Variants in ADK observed in about 807,000 individuals in gnomAD.
The protein encoded by ADK is adenosine kinase.
In ADK, 24 loss-of-function variants were observed where a neutral mutation model predicts 44.7. The ratio of observed to expected loss-of-function variants is 0.54; its 90% CI spans 0.39 to 0.76. ADK has a LOEUF of 0.76. Ranked by LOEUF, ADK falls within the 30% of genes least tolerant of loss-of-function variation. The probability of loss-of-function intolerance (pLI) is 0.00; values close to 1 mark genes in which losing one functional copy is unlikely to be tolerated. For synonymous variants in ADK, 128 were observed against 142.6 expected (o/e 0.90, Z 0.73); for missense variants, 321 against 425.1 (o/e 0.76, Z 2.15).
Position 74,706,004 on chromosome 10 carries a change from T to C in ADK, c.965-2317T>C, listed in dbSNP as rs74219434. 2.3e-4 allele frequency among the ~76,000 whole-genome samples: 35 copies of C among 152,360 alleles called. No homozygotes were observed. The East Asian group carries it at 5.2e-3, about 23-fold the overall frequency. ...TGTTATTGAGGTACCAAGTATTTAA[T>C]TGTGACAAAGTTCAGATTATTTTTT... On this transcript the variant is annotated intron_variant, in intron 10 of 10. Transcript: ENST00000539909.
At position 74,652,297 on chromosome 10, in the gene ADK, G is replaced by A. The variant is rs552448308; in HGVS notation, c.878-17886G>A. 2.0e-5 allele frequency among the ~76,000 whole-genome samples: 3 copies of A among 151,406 alleles called. No individual in the cohort carries two copies. The South Asian group carries it at 6.3e-4, about 32-fold the overall frequency. On this transcript the variant is annotated intron_variant, in intron 9 of 10. Coordinates refer to ENST00000539909, the MANE Select transcript of ADK (RefSeq NM_006721.4). ...GACCTCAGGTGATCCACCCACCTTG[G>A]CCTCCCAAAGTGCTGAGATAACAGG... is the stretch of plus-strand genomic sequence containing the variant.
chr10:74,224,737 T>C lies in ADK; in HGVS notation c.194+146T>C. On this transcript the variant is annotated intron_variant, in intron 3 of 10. Coordinates refer to ENST00000539909, the MANE Select transcript of ADK (RefSeq NM_006721.4). ...CTTAATCCTAACAATTATGATAACC[T>C]ACACTATATAATTTACACTACATAA... 10 of 699,938 alleles carry C rather than the reference T, an allele frequency of 1.4e-5. No homozygotes were observed. In the South Asian group the frequency reaches 1.4e-4, roughly 10 times the overall value. The allele number at this position is 699,938 out of a possible 1,614,324, so 43.4% of individuals were successfully genotyped here.
chr10:74,369,173 A>G (rs1169395699), intron 4 of ADK, among the ~76,000 whole-genome samples: 2 of 152,112 alleles, frequency 1.3e-5, no homozygotes, highest in Non-Finnish European at 2.9e-5. Context: ...CCAAGACAAC[A>G]TGGCAAATTT....
chr10:74,163,943 A>C (rs1841968714), intron 1 of ADK, among the ~76,000 whole-genome samples: 1 of 152,198 alleles, frequency 6.6e-6, no homozygotes, highest in African/African-American at 2.4e-5. Flanking sequence ...GACCTTAGTT[A>C]TCATTTTTAG....
intron 2 of ADK, among the ~76,000 whole-genome samples, chr10:74,218,544 C>G (rs1391977293): frequency 3.3e-5 from 5 of 152,120 alleles, no homozygotes; most frequent in African/African-American, 9.6e-5. Flanking sequence ...CTTGAGAAGA[C>G]CAACACCAAG....
At chr10:74,396,183 A>G (rs1843500953) in intron 5 of ADK, among the ~76,000 whole-genome samples, 1 of 152,204 alleles carries the variant, frequency 6.6e-6, no homozygotes, top group Non-Finnish European at 1.5e-5. Flanking sequence ...CTGGAAGCTA[A>G]TACAGTTGGA....
chr10:74,185,516 A>G lies in ADK; in HGVS notation c.66-15248A>G, dbSNP rs564512151. ...TTCACTTTAAAAAAAAATGCCAACA[A>G]TATAATTTTTTTTTTTTTTTGAAGC... On this transcript the variant is annotated intron_variant, in intron 1 of 10. Coordinates refer to ENST00000539909, the MANE Select transcript of ADK (RefSeq NM_006721.4). 1.5e-4 allele frequency among the ~76,000 whole-genome samples: 20 copies of G among 134,746 alleles called. No individual in the cohort carries two copies. In the East Asian group the frequency reaches 3.9e-3, roughly 26 times the overall value. The allele number at this position is 134,746 out of a possible 152,430, so 88.4% of individuals were successfully genotyped here.
intron 7 of ADK, among the ~76,000 whole-genome samples, chr10:74,550,072 CT>C (rs60206457): frequency 0.46 from 62,132 of 136,216 alleles, 15,756 homozygotes; most frequent in Non-Finnish European, 0.6. Context: ...AACCCAATCA[CT>C]TTTTTTTTTT....
chr10:74,163,841 G>C (rs1271849625), intron 1 of ADK, among the ~76,000 whole-genome samples: 2 of 152,184 alleles, frequency 1.3e-5, no homozygotes, highest in African/African-American at 4.8e-5. Flanking sequence ...ACCACATAGA[G>C]ATTTAAATAG....
intron 6 of ADK, among the ~76,000 whole-genome samples, chr10:74,474,507 T>TC (rs1236688905): frequency 2.6e-5 from 4 of 151,616 alleles, no homozygotes; most frequent in African/African-American, 9.7e-5. Flanking sequence ...TCTCCTTTCC[T>TC]TCCCTTCCCT....
chr10:74,494,300 A>T (rs1847601034), intron 6 of ADK, among the ~76,000 whole-genome samples: 1 of 152,136 alleles, frequency 6.6e-6, no homozygotes, highest in Non-Finnish European at 1.5e-5. Flanking sequence ...CTATGATAAG[A>T]TAAATATTTG....
At position 74,347,030 on chromosome 10, in the gene ADK, C is replaced by G. The variant is rs564695699; in HGVS notation, c.273+32285C>G. ...GCTGAGGCAGGAGAATGGTGTGAAC[C>G]CGGGAGGTGGAGCTTGCAATGAGCA... On this transcript the variant is annotated intron_variant, in intron 4 of 10. Transcript: ENST00000539909. 3.8e-3 allele frequency among the ~76,000 whole-genome samples: 544 copies of G among 142,390 alleles called. 6 individuals are homozygous for G. Among genetic ancestry groups the G allele is most frequent in the African/African-American group, 0.014 (510 of 36,624 alleles). 93.4% of individuals were successfully genotyped at this position (142,390 alleles called of 152,430 possible). A position where few individuals can be genotyped will look rare whatever the true frequency, so the allele number is the denominator to read the frequency against.
At chr10:74,647,529 T>A (rs180892203) in intron 9 of ADK, among the ~76,000 whole-genome samples, 776 of 152,304 alleles carry the variant, frequency 5.1e-3, no homozygotes, top group Admixed American at 8.0e-3. Flanking sequence ...TACATACATA[T>A]AAGTGTATAT....
intron 6 of ADK, among the ~76,000 whole-genome samples, chr10:74,495,940 C>T (rs1192243543): frequency 6.6e-6 from 1 of 152,174 alleles, no homozygotes; most frequent in Admixed American, 6.5e-5. Flanking sequence ...TTTCTTCCCC[C>T]TGCTAATCTA....
intron 1 of ADK, among the ~76,000 whole-genome samples, chr10:74,185,299 A>G (rs1320070584): frequency 6.6e-6 from 1 of 152,166 alleles, no homozygotes; most frequent in Non-Finnish European, 1.5e-5. Context: ...TGCTGGGCTA[A>G]GGTTTTCTGC....
intron 4 of ADK, among the ~76,000 whole-genome samples, chr10:74,348,447 A>G (rs979016322): frequency 6.6e-6 from 1 of 152,130 alleles, no homozygotes; most frequent in Admixed American, 6.5e-5. Flanking sequence ...AGCCTCAAAG[A>G]TCAAAGGTAG....
intron 6 of ADK, among the ~76,000 whole-genome samples, chr10:74,501,765 G>A (rs1322673360): frequency 6.6e-6 from 1 of 152,148 alleles, no homozygotes; most frequent in Non-Finnish European, 1.5e-5. Flanking sequence ...ATCACATATT[G>A]TATGATTCCA....
chr10:74,282,555 T>A (rs1846982494), intron 3 of ADK, among the ~76,000 whole-genome samples: 1 of 152,228 alleles, frequency 6.6e-6, no homozygotes, highest in Non-Finnish European at 1.5e-5. Context: ...GTTTTATTTC[T>A]TTGTTGGATT....
chr10:74,248,170 C>G (rs1306331253), intron 3 of ADK, among the ~76,000 whole-genome samples: 3 of 152,182 alleles, frequency 2.0e-5, no homozygotes, highest in Admixed American at 6.5e-5. Flanking sequence ...AAGACATGGA[C>G]TGAGTGATTT....
Sources: allele counts gnomAD v4.1 joint callset (sites outside exome capture counted in the v4.1 genomes callset), GRCh38; gene constraint gnomAD v4.1.1; transcripts MANE v1.5; gene names NCBI Gene and HGNC (gene_info 2026-07-23, HGNC 2026-07-21).